CCDC141: variants seen among roughly 807,000 people sequenced by gnomAD.
The protein encoded by CCDC141 is coiled-coil domain containing 141, also known as coiled-coil domain-containing protein 141.
In CCDC141, 168 loss-of-function variants were observed where a neutral mutation model predicts 181.0. The ratio of observed to expected loss-of-function variants is 0.93; its 90% CI spans 0.82 to 1.05. The LOEUF is 1.05. Ranked by LOEUF, CCDC141 falls within the 50% of genes least tolerant of loss-of-function variation. The probability of loss-of-function intolerance (pLI) is 0.00; values close to 1 mark genes in which losing one functional copy is unlikely to be tolerated. For missense variants in CCDC141, 1,902 were observed against 1,788.5 expected (o/e 1.06, Z -1.14); for synonymous variants, 666 against 642.3 (o/e 1.04, Z -0.56).
chr2:178,987,542 T>C (rs1310752420), intron 2 of CCDC141, among the ~76,000 whole-genome samples: 1 of 151,640 alleles, frequency 6.6e-6, no homozygotes, highest in African/African-American at 2.4e-5. Context: ...ACCTACAACA[T>C]GGGAGAAAAT....
At chr2:178,923,295 G>A (rs952697816) in intron 6 of CCDC141, among the ~76,000 whole-genome samples, 6 of 151,562 alleles carry the variant, frequency 4.0e-5, no homozygotes, top group East Asian at 1.9e-4. Flanking sequence ...TAGTAGAGAC[G>A]GGGTTTCACC....
At chr2:178,961,038 G>GA (rs796470750) in intron 5 of CCDC141, among the ~76,000 whole-genome samples, 192 bp downstream of exon 5, 21 of 152,164 alleles carry the variant, frequency 1.4e-4, no homozygotes, top group South Asian at 8.3e-4. Flanking sequence ...ACAGTATAAT[G>GA]AAAAAAATGC....
rs114299603 is a variant in CCDC141 at position 178,931,721 on chromosome 2, A to T, written c.897+12814T>A. Among the ~76,000 whole-genome samples, 604 of 148,168 alleles carry T rather than the reference A, an allele frequency of 4.1e-3. 4 individuals carry two copies. The highest frequency in any genetic ancestry group is 0.014 in the African/African-American group (566 of 41,394). The stretch of plus-strand genomic sequence containing the variant: ...GGTGTTTCTTTTTGGAGTTATGAAA[A>T]TATTCTGAACTAGGTAGCCATGATA... On this transcript the variant is annotated intron_variant, in intron 6 of 23. Coordinates refer to ENST00000443758, the MANE Select transcript of CCDC141 (RefSeq NM_173648.4).
At chr2:179,015,712 T>C (rs1386806595) in intron 2 of CCDC141, among the ~76,000 whole-genome samples, 1 of 136,992 alleles carries the variant, frequency 7.3e-6, no homozygotes, top group Non-Finnish European at 1.6e-5. Context: ...ATATATCTCA[T>C]ACATATCTCA....
At chr2:178,940,345 T>A (rs1013314424) in intron 6 of CCDC141, among the ~76,000 whole-genome samples, 2 of 152,186 alleles carry the variant, frequency 1.3e-5, no homozygotes, top group African/African-American at 4.8e-5. Flanking sequence ...CACAAAGAAC[T>A]GTATAAACTA....
chr2:178,946,012 G>GGAA (rs1689717845), intron 5 of CCDC141, among the ~76,000 whole-genome samples: 1 of 152,094 alleles, frequency 6.6e-6, no homozygotes, highest in Non-Finnish European at 1.5e-5. Flanking sequence ...AATACAGGAT[G>GGAA]GAAGCATTTC....
At chr2:178,980,707 A>G (rs1172924365) in intron 2 of CCDC141, among the ~76,000 whole-genome samples, 1 of 152,244 alleles carries the variant, frequency 6.6e-6, no homozygotes, top group Non-Finnish European at 1.5e-5. Flanking sequence ...ATAAAGGCAG[A>G]GGTGCATTAA....
chr2:178,862,634 G>C (rs187012802), intron 17 of CCDC141, among the ~76,000 whole-genome samples: 1 of 152,218 alleles, frequency 6.6e-6, no homozygotes, highest in East Asian at 1.9e-4. Flanking sequence ...GTGTGAAATG[G>C]GTAGGAAAAA....
chr2:178,888,675 A>T lies in CCDC141; in HGVS notation c.1266-7T>A. ...GATGCCGGACACCTGAGAGCTGAAC[A>T]GAGCAAGCCAGCTGTTAATTCACTC... On this transcript the variant is annotated splice_region_variant and splice_polypyrimidine_tract_variant and intron_variant, in intron 8 of 23. Transcript: ENST00000443758. The T allele has an allele frequency of 6.4e-7, 1 of 1,550,452 alleles. No homozygotes were observed. The highest frequency in any genetic ancestry group is 8.7e-7 in the Non-Finnish European group (1 of 1,146,686).
In CCDC141 at chr2:178,831,790, A is replaced by G. The variant is rs1684257119; in HGVS notation, c.*2383T>C. ...CAGATGAATAGGTAGATGGATAGGT[A>G]CACAGAAAGCTATCTGTACTATATC... On this transcript the variant is annotated 3_prime_UTR_variant, in exon 24 of 24. Coordinates refer to ENST00000443758, the MANE Select transcript of CCDC141 (RefSeq NM_173648.4). 1 of 152,220 alleles carries G rather than the reference A, an allele frequency of 6.6e-6. No individual in the cohort carries two copies. Among genetic ancestry groups the G allele is most frequent in the African/African-American group, 2.4e-5 (1 of 41,464 alleles). 9.4% of individuals were successfully genotyped at this position (152,220 alleles called of 1,614,324 possible).
chr2:178,894,091 A>G (rs1558961164), intron 8 of CCDC141, among the ~76,000 whole-genome samples: 1 of 152,180 alleles, frequency 6.6e-6, no homozygotes, highest in African/African-American at 2.4e-5. Flanking sequence ...GCTGCAGCCA[A>G]CAGCTATGAG....
chr2:179,028,760 C>A (rs1200349381), intron 2 of CCDC141, among the ~76,000 whole-genome samples: 2 of 152,038 alleles, frequency 1.3e-5, no homozygotes, highest in Non-Finnish European at 2.9e-5. Context: ...TATAACAAAA[C>A]CTTTAAAATT....
At chr2:178,871,640 C>T (rs905265925) in intron 13 of CCDC141, 88 bp from the exon 14 acceptor site, 25 of 1,428,872 alleles carry the variant, frequency 1.7e-5, no homozygotes, top group Non-Finnish European at 2.2e-5. Flanking sequence ...AGAGTGTGAT[C>T]AAATTTTTCA....
chr2:179,025,076 T>C (rs1332104818), intron 2 of CCDC141, among the ~76,000 whole-genome samples: 1 of 152,120 alleles, frequency 6.6e-6, no homozygotes, highest in Non-Finnish European at 1.5e-5. Flanking sequence ...TACTGCTCCT[T>C]ACAGAGATTG....
chr2:178,878,698 T>A (rs1441437299), intron 11 of CCDC141, among the ~76,000 whole-genome samples: 1 of 152,170 alleles, frequency 6.6e-6, no homozygotes, highest in Non-Finnish European at 1.5e-5. Flanking sequence ...GGATTGTTGA[T>A]TGTTTGGGTA....
intron 2 of CCDC141, among the ~76,000 whole-genome samples, chr2:179,016,499 A>G (rs1290194436): frequency 6.6e-6 from 1 of 152,110 alleles, no homozygotes; most frequent in African/African-American, 2.4e-5. Context: ...GAAATTTTTC[A>G]AAATAAAAAG....
chr2:178,942,756 G>T (rs1689573811), intron 6 of CCDC141, among the ~76,000 whole-genome samples: 1 of 152,178 alleles, frequency 6.6e-6, no homozygotes, highest in Non-Finnish European at 1.5e-5. Flanking sequence ...CGAATGTGTA[G>T]GGGCAGGGTG....
rs267599101 is a variant in CCDC141, at chr2:178,872,186, C to T, written c.2026G>A (p.Glu676Lys). 6.2e-7 allele frequency: 1 copy of T among 1,613,998 alleles called. No homozygotes were observed. Among genetic ancestry groups the T allele is most frequent in the Admixed American group, 1.7e-5 (1 of 59,984 alleles). The change falls in exon 13 of 24, where the codon GAA becomes AAA. Residue 676 changes from glutamate (E) to lysine (K), a missense_variant. By Grantham distance (56) the Glu-to-Lys change is moderately conservative. Transcript: ENST00000443758. ...CACTGCTGTTTTCCAGGCTTGCTTT[C>T]CGTGGCTTTAAGCTGCCATGCCAGC... ...LRLAWQLKATESKPGKQQWAA... is the reference protein window; with the variant it reads ...LRLAWQLKATKSKPGKQQWAA...
intron 2 of CCDC141, among the ~76,000 whole-genome samples, chr2:178,989,359 C>T (rs1038034874): frequency 1.8e-4 from 27 of 151,444 alleles, no homozygotes; most frequent in African/African-American, 6.3e-4. Context: ...TTTGGGAGGC[C>T]GAGGCAGGCA....
Sources: allele counts gnomAD v4.1 joint callset (sites outside exome capture counted in the v4.1 genomes callset), GRCh38; gene constraint gnomAD v4.1.1; transcripts MANE v1.5; gene names NCBI Gene and HGNC (gene_info 2026-07-23, HGNC 2026-07-21).